Variants in TOP6BL observed in about 807,000 individuals in gnomAD.
The protein encoded by TOP6BL is TOP6B like initiator of meiotic double strand breaks.
the TOP6BL span, chr11:66,814,044 T>G: frequency 2.5e-6 from 4 of 1,585,766 alleles, no homozygotes; most frequent in Non-Finnish European, 3.5e-6. Context: ...TGCACAGGAA[T>G]TAAGACATTT....
the TOP6BL span, chr11:66,814,033 C>T: frequency 6.2e-7 from 1 of 1,600,630 alleles, no homozygotes; most frequent in East Asian, 2.2e-5. Context: ...CTCCCTCTTT[C>T]TGCACAGGAA....
chr11:66,822,536 T>A, the TOP6BL span: 28 of 1,391,464 alleles, frequency 2.0e-5, no homozygotes, highest in Non-Finnish European at 2.6e-5. Flanking sequence ...ATTCATGCAG[T>A]CTCCCCCTTA....
chr11:66,823,560 C>A, the TOP6BL span, among the ~76,000 whole-genome samples: 1 of 152,022 alleles, frequency 6.6e-6, no homozygotes, highest in Admixed American at 6.6e-5. Flanking sequence ...GTGGCTCATG[C>A]CTGTAATCCC....
the TOP6BL span, chr11:66,843,474 G>A: frequency 2.5e-5 from 36 of 1,443,344 alleles, no homozygotes; most frequent in Non-Finnish European, 2.9e-5. Context: ...GCTGGGCGGG[G>A]ATGGGCTGCG....
chr11:66,784,709 C>T, the TOP6BL span, among the ~76,000 whole-genome samples: 1 of 152,160 alleles, frequency 6.6e-6, no homozygotes, highest in Non-Finnish European at 1.5e-5. Flanking sequence ...TTTCATGTAA[C>T]AGTACTTCAT....
the TOP6BL span, among the ~76,000 whole-genome samples, chr11:66,823,287 T>A: frequency 1.9e-5 from 2 of 106,384 alleles, no homozygotes; most frequent in Non-Finnish European, 1.8e-5. Flanking sequence ...ACAGCGAGAC[T>A]CCACCTCAAA....
the TOP6BL span, among the ~76,000 whole-genome samples, chr11:66,798,024 C>T: frequency 6.6e-6 from 1 of 152,160 alleles, no homozygotes. Flanking sequence ...TAAGTTTTAT[C>T]ATCATCATCC....
At chr11:66,821,826 T>A in the TOP6BL span, 3 of 1,581,614 alleles carry the variant, frequency 1.9e-6, no homozygotes, top group South Asian at 2.2e-5. Context: ...CAAGCATATA[T>A]GGCAGGCAGG....
chr11:66,757,042 C>T, the TOP6BL span, among the ~76,000 whole-genome samples: 2 of 31,656 alleles, frequency 6.3e-5, no homozygotes, highest in East Asian at 7.4e-4. Flanking sequence ...GCGGAGGCGG[C>T]GGTGGGGGGT....
chr11:66,780,649 G>T, the TOP6BL span, among the ~76,000 whole-genome samples: 1 of 151,970 alleles, frequency 6.6e-6, no homozygotes, highest in South Asian at 2.1e-4. Context: ...GCGTGATCTT[G>T]GCTCACTGCA....
the TOP6BL span, among the ~76,000 whole-genome samples, chr11:66,774,871 T>C: frequency 6.6e-6 from 1 of 151,632 alleles, no homozygotes; most frequent in African/African-American, 2.4e-5. Context: ...CCCAGCACTT[T>C]GGGAGGCCAA....
the TOP6BL span, among the ~76,000 whole-genome samples, chr11:66,821,321 T>C: frequency 6.8e-6 from 1 of 146,366 alleles, no homozygotes; most frequent in Non-Finnish European, 1.5e-5. Flanking sequence ...GGAGTCTCAC[T>C]CTGTCACCCA....
chr11:66,793,444 G>GTTT, the TOP6BL span, among the ~76,000 whole-genome samples: 32 of 97,964 alleles, frequency 3.3e-4, no homozygotes, highest in Admixed American at 9.1e-4. Flanking sequence ...TTCTTTTTTT[G>GTTT]TTTTTTTTTT....
the TOP6BL span, among the ~76,000 whole-genome samples, chr11:66,794,627 T>A: frequency 6.6e-6 from 1 of 152,226 alleles, no homozygotes; most frequent in Non-Finnish European, 1.5e-5. Flanking sequence ...GCACCATCCC[T>A]GCTGTAAAAT....
the TOP6BL span, among the ~76,000 whole-genome samples, chr11:66,780,874 G>A: frequency 4.6e-5 from 7 of 152,210 alleles, no homozygotes; most frequent in East Asian, 1.9e-4. Context: ...GAGCCACCGC[G>A]CGTGGACCTG....
the TOP6BL span, chr11:66,815,740 C>A: frequency 4.2e-6 from 1 of 239,466 alleles, no homozygotes; most frequent in Non-Finnish European, 8.1e-6. Context: ...AACCTCTTAC[C>A]AGCCATACCT....
At chr11:66,804,791 G>T in the TOP6BL span, among the ~76,000 whole-genome samples, 1 of 151,894 alleles carries the variant, frequency 6.6e-6, no homozygotes, top group Non-Finnish European at 1.5e-5. Flanking sequence ...CAAAAATTAG[G>T]CCGGGCGTGG....
the TOP6BL span, among the ~76,000 whole-genome samples, chr11:66,839,656 G>A: frequency 2.0e-5 from 3 of 152,196 alleles, no homozygotes; most frequent in African/African-American, 7.2e-5. Flanking sequence ...AAAGAACCCT[G>A]CTGTGAACGC....
the TOP6BL span, among the ~76,000 whole-genome samples, chr11:66,816,515 A>G: frequency 1.3e-5 from 2 of 152,174 alleles, no homozygotes; most frequent in Non-Finnish European, 2.9e-5. Context: ...CTTACTCCCC[A>G]GAGATTCTGA....
Sources: allele counts gnomAD v4.1 joint callset (sites outside exome capture counted in the v4.1 genomes callset), GRCh38; gene constraint gnomAD v4.1.1; transcripts MANE v1.5; gene names NCBI Gene and HGNC (gene_info 2026-07-23, HGNC 2026-07-21).